Variants in UNC13A observed in about 807,000 individuals in gnomAD.
UNC13A encodes unc-13 homolog A, also known as protein unc-13 homolog A.
UNC13A carries 61 observed loss-of-function variants against 219.7 expected under a neutral mutation model. The ratio of observed to expected loss-of-function variants is 0.28; its 90% CI spans 0.23 to 0.34. UNC13A has a LOEUF of 0.34. Ranked by LOEUF, UNC13A falls within the 10% of genes least tolerant of loss-of-function variation. The pLI is 1.00. For missense variants in UNC13A, 1,476 were observed against 2,270.3 expected (o/e 0.65, Z 7.11); for synonymous variants, 920 against 884.6 (o/e 1.04, Z -0.71).
intron 5 of UNC13A, among the ~76,000 whole-genome samples, chr19:17,668,653 A>AT (rs921403824): frequency 3.3e-5 from 5 of 151,560 alleles, no homozygotes; most frequent in African/African-American, 1.2e-4. Context: ...TGCCCAGTTA[A>AT]TTTTTTTGTA....
chr19:17,607,133 C>A (rs1176459959), intron 43 of UNC13A, among the ~76,000 whole-genome samples: 1 of 152,184 alleles, frequency 6.6e-6, no homozygotes, highest in African/African-American at 2.4e-5. Flanking sequence ...ACCTTCTGAC[C>A]AAGAGCCCTG....
chr19:17,642,208 C>T (rs1411282512), intron 20 of UNC13A, among the ~76,000 whole-genome samples: 1 of 152,176 alleles, frequency 6.6e-6, no homozygotes, highest in Non-Finnish European at 1.5e-5. Context: ...ATCTATCCAG[C>T]AATCTATCTA....
intron 15 of UNC13A, 58 bp from the exon 16 acceptor site, chr19:17,648,708 T>G (rs2079289377): frequency 6.4e-7 from 1 of 1,572,360 alleles, no homozygotes; most frequent in South Asian, 1.2e-5. Context: ...GTCCCTGTCC[T>G]GCCCCATTCC....
At chr19:17,676,224 T>C (rs529503144) in intron 1 of UNC13A, 183 bp from the exon 2 acceptor site, 1 of 723,858 alleles carries the variant, frequency 1.4e-6, no homozygotes, top group South Asian at 1.5e-5. Flanking sequence ...AGAAGCAATG[T>C]CAGAGACAGA....
chr19:17,666,829 GAGA>G (rs929242029), intron 6 of UNC13A, 125 bp from the exon 7 acceptor site: 84 of 527,810 alleles, frequency 1.6e-4, no homozygotes, highest in Non-Finnish European at 2.0e-4. Flanking sequence ...CCCTCTCTAT[GAGA>G]AGGATACAGG....
At chr19:17,678,830 A>G (rs948084062) in intron 1 of UNC13A, among the ~76,000 whole-genome samples, 1 of 152,088 alleles carries the variant, frequency 6.6e-6, no homozygotes, top group African/African-American at 2.4e-5. Flanking sequence ...GGATGCTGAC[A>G]GAGGCTGAGA....
At chr19:17,660,595 G>A (rs1324415761) in intron 8 of UNC13A, among the ~76,000 whole-genome samples, 1 of 148,990 alleles carries the variant, frequency 6.7e-6, no homozygotes, top group African/African-American at 2.5e-5. Flanking sequence ...GCAATGGTAC[G>A]ATCTCGGCTC....
At chr19:17,648,337 C>CACCCAA in intron 16 of UNC13A, 94 bp downstream of exon 16, 1 of 1,256,964 alleles carries the variant, frequency 8.0e-7, no homozygotes, top group Non-Finnish European at 1.1e-6. Context: ...CATGGTGCCC[C>CACCCAA]ACCCATCGCC....
In UNC13A at chr19:17,674,826, AC is replaced by A; in HGVS notation, c.53-71del. ...TCCAATGCCCCTTCCCAAGCTCTAGACCATCTGCTGTGATCCCCTCAGGAAT... is the reference window on the plus strand; with the variant it reads ...TCCAATGCCCCTTCCCAAGCTCTAGACATCTGCTGTGATCCCCTCAGGAAT... On this transcript the variant is annotated intron_variant, in intron 2 of 43. Coordinates refer to ENST00000519716, the MANE Select transcript of UNC13A (RefSeq NM_001080421.3). This position sits in a 1 kb window ranked among gnomAD's most constrained non-coding sequence, Gnocchi z 5.0. The A allele has an allele frequency of 1.5e-6, 2 of 1,344,764 alleles. No homozygotes were observed. The highest frequency in any genetic ancestry group is 1.1e-6 in the Non-Finnish European group (1 of 939,440). 83.3% of individuals were successfully genotyped at this position (1,344,764 alleles called of 1,614,324 possible). A position where few individuals can be genotyped will look rare whatever the true frequency, so the allele number is the denominator to read the frequency against.
Position 17,640,620 on chromosome 19 carries a change from A to G in UNC13A, c.2678T>C (p.Val893Ala). 1 of 1,590,454 alleles carries G rather than the reference A, an allele frequency of 6.3e-7. No homozygotes were observed. Among genetic ancestry groups the G allele is most frequent in the Non-Finnish European group, 8.6e-7 (1 of 1,169,312 alleles). The change falls in exon 22 of 44, where the codon GTG (valine) becomes GCG (alanine). Residue 893 changes from valine (V) to alanine (A), a missense_variant. By Grantham distance (64) the Val-to-Ala change is moderately conservative. Transcript: ENST00000519716. ...CLSSKYMCPG[V>A]PAVMSTLLAN... ...GAGCAGGGTGCTCATGACGGCAGGC[A>G]CCCCTGGGCACATATACTTGGAGGA...
At chr19:17,662,056 A>C (rs917646514) in intron 8 of UNC13A, among the ~76,000 whole-genome samples, 5 of 152,146 alleles carry the variant, frequency 3.3e-5, no homozygotes, top group African/African-American at 1.2e-4. Flanking sequence ...AGCCTGGCCA[A>C]CATGGTGAAA....
At position 17,603,452 on chromosome 19, in the gene UNC13A, A is replaced by G. The variant is rs1175113433; in HGVS notation, c.*2602T>C. Reference sequence around the variant, plus strand: ...TACCCTCAGCCATGTCATGGTTCGAAATTCACATCTGCTCCTCAGTCCATA... The same window carrying G: ...TACCCTCAGCCATGTCATGGTTCGAGATTCACATCTGCTCCTCAGTCCATA... On this transcript the variant is annotated 3_prime_UTR_variant, in exon 44 of 44. Transcript: ENST00000519716. 1 of 152,242 alleles carries G rather than the reference A, an allele frequency of 6.6e-6. No homozygotes were observed. Among genetic ancestry groups the G allele is most frequent in the Non-Finnish European group, 1.5e-5 (1 of 68,080 alleles). The allele number at this position is 152,242 out of a possible 1,614,324, so 9.4% of individuals were successfully genotyped here. A position where few individuals can be genotyped will look rare whatever the true frequency, so the allele number is the denominator to read the frequency against.
intron 41 of UNC13A, chr19:17,616,258 C>CCCGCCTGGGCCCTCCAAG: frequency 2.1e-6 from 1 of 487,260 alleles, no homozygotes; most frequent in South Asian, 2.9e-5. Context: ...TTCCCCCTCA[C>CCCGCCTGGGCCCTCCAAG]CCGCCTGGGC....
chr19:17,669,251 T>C (rs192897099), intron 5 of UNC13A, among the ~76,000 whole-genome samples: 263 of 152,302 alleles, frequency 1.7e-3, no homozygotes, highest in African/African-American at 5.7e-3. Flanking sequence ...CCCAGTTCAC[T>C]GTTGCAGTCT....
At chr19:17,687,796 C>A (rs2080142899) in intron 1 of UNC13A, among the ~76,000 whole-genome samples, 1 of 152,136 alleles carries the variant, frequency 6.6e-6, no homozygotes, top group African/African-American at 2.4e-5. Context: ...CTTCCAAGCA[C>A]CCCTGCAGGC....
chr19:17,626,475 C>A lies in UNC13A; in HGVS notation c.4073+158G>T, dbSNP rs546033727. On this transcript the variant is annotated intron_variant, in intron 34 of 43. Transcript: ENST00000519716. ...TCCTTCCAATTATTTACCCACCCAA[C>A]TTTCCATCCCCTTCATGCCACCATC... 7.5e-4 allele frequency: 554 copies of A among 738,178 alleles called. 16 individuals are homozygous for A. In the South Asian group the frequency reaches 0.013, roughly 17 times the overall value. 45.7% of individuals were successfully genotyped at this position (738,178 alleles called of 1,614,324 possible).
chr19:17,649,358 G>A lies in UNC13A; in HGVS notation c.1519-14C>T, dbSNP rs1431867706. 5 of 1,600,464 alleles carry A rather than the reference G, an allele frequency of 3.1e-6. No homozygotes were observed. The highest frequency in any genetic ancestry group is 4.5e-5 in the East Asian group (2 of 44,576). On this transcript the variant is annotated splice_polypyrimidine_tract_variant and intron_variant, in intron 13 of 43. Coordinates refer to ENST00000519716, the MANE Select transcript of UNC13A (RefSeq NM_001080421.3). The surrounding 1 kb of genome is among the most constrained non-coding windows in gnomAD (Gnocchi z 4.4). ...ACTCACCATGGCCTGAAGTGTCCAC[G>A]CAGCACATGGGGGTAGAAATCAGAC...
chr19:17,614,887 G>A (rs2076646096), intron 41 of UNC13A, among the ~76,000 whole-genome samples: 1 of 152,186 alleles, frequency 6.6e-6, no homozygotes, highest in Non-Finnish European at 1.5e-5. Flanking sequence ...TGGGGTGCCG[G>A]GGGTGCCAGG....
intron 4 of UNC13A, among the ~76,000 whole-genome samples, chr19:17,670,689 A>G (rs551920288): frequency 4.7e-4 from 72 of 152,154 alleles, no homozygotes; most frequent in African/African-American, 1.1e-3. Context: ...GGATCACTTG[A>G]GGTCAGGAGT....
Sources: gnomAD v4.1 joint callset for allele counts (sites outside exome capture counted in the v4.1 genomes callset) on GRCh38, gnomAD v4.1.1 for gene constraint, Gnocchi (gnomAD v3.1) non-coding constraint, MANE v1.5 for transcripts, NCBI Gene and HGNC (gene_info 2026-07-23, HGNC 2026-07-21) for gene names.